Variants in ARHGEF3 observed in about 807,000 individuals in gnomAD.
ARHGEF3 encodes the protein 59.8 kDA protein.
In ARHGEF3, 28 loss-of-function variants were observed where a neutral mutation model predicts 63.2. The ratio of observed to expected loss-of-function variants is 0.44; its 90% confidence interval spans 0.33 to 0.61. The LOEUF (loss-of-function observed/expected upper bound fraction) is 0.61. ARHGEF3 is among the 20% of genes least tolerant of loss of function. The pLI is 0.03. For synonymous variants in ARHGEF3, 266 were observed against 254.2 expected (o/e 1.05, Z -0.44); for missense variants, 533 against 659.3 (o/e 0.81, Z 2.10).
At chr3:56,962,416 T>C (rs1700318690) in intron 2 of ARHGEF3, among the ~76,000 whole-genome samples, 1 of 152,224 alleles carries the variant, frequency 6.6e-6, no homozygotes, top group African/African-American at 2.4e-5. Flanking sequence ...GAACAAGGCT[T>C]GGAGGGCGTG....
At chr3:57,011,937 G>A (rs1346598170) in intron 2 of ARHGEF3, among the ~76,000 whole-genome samples, 1 of 152,152 alleles carries the variant, frequency 6.6e-6, no homozygotes, top group Admixed American at 6.5e-5. Flanking sequence ...GTCTGGTTAG[G>A]TGGAAGAATG....
At chr3:56,988,992 T>C (rs940260066) in intron 2 of ARHGEF3, among the ~76,000 whole-genome samples, 2 of 152,072 alleles carry the variant, frequency 1.3e-5, no homozygotes, top group Non-Finnish European at 2.9e-5. Flanking sequence ...AAATTACAAA[T>C]AGCTGGAAGA....
intron 4 of ARHGEF3, among the ~76,000 whole-genome samples, chr3:56,834,755 A>G (rs1023977404): frequency 1.3e-5 from 2 of 151,992 alleles, no homozygotes; most frequent in Admixed American, 1.3e-4. Context: ...ACAAAAAAAA[A>G]AAAAAAAAAA....
chr3:56,911,175 A>G (rs1470934571), intron 3 of ARHGEF3, among the ~76,000 whole-genome samples: 1 of 152,078 alleles, frequency 6.6e-6, no homozygotes, highest in Non-Finnish European at 1.5e-5. Context: ...GGTGGAGAGG[A>G]CACCTGGGGT....
intron 4 of ARHGEF3, among the ~76,000 whole-genome samples, chr3:56,834,679 G>A (rs1046964216): frequency 1.3e-5 from 2 of 151,224 alleles, no homozygotes; most frequent in Admixed American, 6.6e-5. Flanking sequence ...GCTTGAACCC[G>A]GGAAGCGGTG....
intron 2 of ARHGEF3, among the ~76,000 whole-genome samples, chr3:57,014,329 T>G (rs1305955574): frequency 6.6e-6 from 1 of 152,188 alleles, no homozygotes; most frequent in African/African-American, 2.4e-5. Context: ...ACACACCGAT[T>G]CTGGACACAA....
intron 1 of ARHGEF3, among the ~76,000 whole-genome samples, chr3:57,065,793 C>T (rs1046883556): frequency 6.6e-6 from 1 of 152,136 alleles, no homozygotes; most frequent in Admixed American, 6.5e-5. Flanking sequence ...CTCATTACGG[C>T]TGAGTCACAA....
At position 56,905,040 on chromosome 3, in the gene ARHGEF3, G is replaced by A. The variant is rs376210251; in HGVS notation, c.130-22686C>T. 1.6e-4 allele frequency among the ~76,000 whole-genome samples: 24 copies of A among 152,118 alleles called. No individual in the cohort carries two copies. The South Asian group carries it at 3.3e-3, about 21-fold the overall frequency. ...GACTGAACCCATCCCACTCATTCAC[G>A]CCTTTGAGCCTCAGCCTTCCTCCTG... On this transcript the variant is annotated intron_variant, in intron 3 of 12. Coordinates refer to the ARHGEF3 transcript ENST00000338458.
In ARHGEF3 at chr3:56,728,222, G is replaced by A. The variant is rs1037171716; in HGVS notation, c.*1048C>T. 5.2e-5 allele frequency: 8 copies of A among 152,550 alleles called. No homozygotes were observed. The highest frequency in any genetic ancestry group is 7.4e-5 in the Non-Finnish European group (5 of 68,024). 9.4% of individuals were successfully genotyped at this position (152,550 alleles called of 1,614,324 possible). A position where few individuals can be genotyped will look rare whatever the true frequency, so the allele number is the denominator to read the frequency against. On this transcript the variant is annotated 3_prime_UTR_variant, in exon 10 of 10. Coordinates refer to ENST00000296315, the MANE Select transcript of ARHGEF3 (RefSeq NM_019555.3). ...ACAGAACCAGAGATGGCAAATTGAC[G>A]ACCCAAAAGCAGAGCAGGAAAGCCC... is the stretch of plus-strand genomic sequence containing the variant.
chr3:57,059,822 C>T (rs894236207), intron 1 of ARHGEF3, among the ~76,000 whole-genome samples: 3 of 151,706 alleles, frequency 2.0e-5, no homozygotes, highest in Non-Finnish European at 4.4e-5. Flanking sequence ...CATGGAGAAA[C>T]CCCATCTCTA....
chr3:56,828,689 C>A (rs1001946642), intron 4 of ARHGEF3, among the ~76,000 whole-genome samples: 2 of 152,158 alleles, frequency 1.3e-5, no homozygotes, highest in Non-Finnish European at 2.9e-5. Context: ...AAAGTCCCAG[C>A]CCTCAGGCGT....
Position 56,745,526 on chromosome 3 carries a change from G to C in ARHGEF3, c.613-64C>G, listed in dbSNP as rs2034324021. The C allele has an allele frequency of 1.9e-6, 3 of 1,567,284 alleles. No homozygotes were observed. In the African/African-American group the frequency reaches 4.1e-5, roughly 21 times the overall value. ...ATAATTGAGCTCTGAGGCTACGGTG[G>C]CATCATTTATTGGGACTGAACAAAC... On this transcript the variant is annotated intron_variant, in intron 6 of 9. Transcript: ENST00000296315.
chr3:56,901,232 G>A (rs1560034557), intron 3 of ARHGEF3, among the ~76,000 whole-genome samples: 1 of 152,118 alleles, frequency 6.6e-6, no homozygotes, highest in African/African-American at 2.4e-5. Context: ...ATGGATAAAT[G>A]AATAAAGGCC....
chr3:57,008,998 T>C (rs1402834335), intron 2 of ARHGEF3, among the ~76,000 whole-genome samples: 1 of 152,256 alleles, frequency 6.6e-6, no homozygotes, highest in Non-Finnish European at 1.5e-5. Context: ...CTTGGGAAAT[T>C]GGCAGATCTG....
chr3:56,979,303 A>T lies in ARHGEF3; in HGVS notation c.63-20414T>A, dbSNP rs541269281. Among the ~76,000 whole-genome samples, 4 of 152,350 alleles carry T rather than the reference A, an allele frequency of 2.6e-5. No homozygotes were observed. The South Asian group carries it at 8.3e-4, about 32-fold the overall frequency. ...CATTCCACACTCATCCCATTTTGCA[A>T]CTGAGTAAACTGAGACCCAGATATA... On this transcript the variant is annotated intron_variant, in intron 2 of 12. Coordinates refer to the ARHGEF3 transcript ENST00000338458.
At chr3:56,981,088 C>A (rs1701310381) in intron 2 of ARHGEF3, among the ~76,000 whole-genome samples, 1 of 152,198 alleles carries the variant, frequency 6.6e-6, no homozygotes, top group African/African-American at 2.4e-5. Flanking sequence ...AGGAGCAATC[C>A]CTGTCTTCCC....
chr3:56,980,217 G>A (rs1202326105), intron 2 of ARHGEF3, among the ~76,000 whole-genome samples: 1 of 152,204 alleles, frequency 6.6e-6, no homozygotes, highest in African/African-American at 2.4e-5. Flanking sequence ...TGAAAATATA[G>A]AATTATCTGG....
At chr3:56,867,203 A>G (rs1312519666) in intron 4 of ARHGEF3, among the ~76,000 whole-genome samples, 1 of 152,200 alleles carries the variant, frequency 6.6e-6, no homozygotes, top group Non-Finnish European at 1.5e-5. Flanking sequence ...CCTTCCAAAG[A>G]CAGCATGTAA....
intron 2 of ARHGEF3, among the ~76,000 whole-genome samples, chr3:56,963,804 T>C (rs898951293): frequency 1.3e-5 from 2 of 152,204 alleles, no homozygotes; most frequent in Admixed American, 1.3e-4. Flanking sequence ...ATCTTTTTAG[T>C]TTCTGTTTTT....
Sources: allele counts gnomAD v4.1 joint callset (sites outside exome capture counted in the v4.1 genomes callset), GRCh38; gene constraint gnomAD v4.1.1; transcripts MANE v1.5; gene names NCBI Gene and HGNC (gene_info 2026-07-23, HGNC 2026-07-21).